The following ZSCAN25 variants were observed in gnomAD, a reference collection of about 807,000 sequenced individuals.
ZSCAN25 encodes zinc finger and SCAN domain containing 25, also known as zinc finger and SCAN domain-containing protein 25.
In ZSCAN25, 27 loss-of-function variants were observed where a neutral mutation model predicts 38.7. The ratio of observed to expected loss-of-function variants is 0.70; its 90% CI spans 0.51 to 0.96. ZSCAN25 has a LOEUF of 0.96. Among genes scored for constraint, ZSCAN25 ranks in the 40% least tolerant of loss-of-function variants. The pLI is 0.00. For synonymous variants in ZSCAN25, 273 were observed against 277.7 expected (o/e 0.98, Z 0.17); for missense variants, 637 against 705.9 (o/e 0.90, Z 1.11).
intron 7 of ZSCAN25, among the ~76,000 whole-genome samples, chr7:99,626,139 A>G (rs1807450325): frequency 6.6e-6 from 1 of 152,218 alleles, no homozygotes; most frequent in South Asian, 2.1e-4. Flanking sequence ...TAATGTCCAC[A>G]AGGACTGGAG....
the ZSCAN25 span, among the ~76,000 whole-genome samples, chr7:99,649,289 C>T: frequency 6.6e-6 from 1 of 152,224 alleles, no homozygotes; most frequent in Non-Finnish European, 1.5e-5. Context: ...CCATCCTCCT[C>T]CTCTCCCAAG....
At chr7:99,705,719 A>C in the ZSCAN25 span, 1 of 1,211,350 alleles carries the variant, frequency 8.3e-7, no homozygotes, top group African/African-American at 1.5e-5. Context: ...TACTTTCAGC[A>C]CTATAAATCT....
At chr7:99,700,401 A>T in the ZSCAN25 span, among the ~76,000 whole-genome samples, 1 of 151,994 alleles carries the variant, frequency 6.6e-6, no homozygotes, top group African/African-American at 2.4e-5. Context: ...TCATTCCAGA[A>T]TACTTGAAAT....
At chr7:99,732,788 A>G in the ZSCAN25 span, among the ~76,000 whole-genome samples, 71 of 152,304 alleles carry the variant, frequency 4.7e-4, no homozygotes, top group African/African-American at 1.5e-3. Flanking sequence ...ATGGATCCAT[A>G]TGCCTCATAT....
chr7:99,716,511 G>C, the ZSCAN25 span, among the ~76,000 whole-genome samples: 1 of 152,076 alleles, frequency 6.6e-6, no homozygotes, highest in Admixed American at 6.5e-5. Flanking sequence ...GACAAATGAT[G>C]TCCTGGTTAA....
downstream of ZSCAN25, among the ~76,000 whole-genome samples, chr7:99,636,992 CAG>C (rs1317653267): frequency 6.6e-6 from 1 of 152,244 alleles, no homozygotes; most frequent in Non-Finnish European, 1.5e-5. Context: ...ATTGAACCAA[CAG>C]GGTATCTTTT....
chr7:99,713,533 G>A, the ZSCAN25 span: 4 of 1,613,362 alleles, frequency 2.5e-6, no homozygotes, highest in Non-Finnish European at 3.4e-6. Context: ...AATCCACTCG[G>A]TGCTAGAAGC....
At chr7:99,627,803 A>G (rs1368113242) in intron 7 of ZSCAN25, among the ~76,000 whole-genome samples, 1 of 151,910 alleles carries the variant, frequency 6.6e-6, no homozygotes, top group Non-Finnish European at 1.5e-5. Flanking sequence ...TATTGTATAT[A>G]CTGTATACAT....
the ZSCAN25 span, among the ~76,000 whole-genome samples, chr7:99,701,254 C>G: frequency 2.0e-5 from 3 of 152,160 alleles, no homozygotes; most frequent in African/African-American, 7.2e-5. Flanking sequence ...ACCTGCAGTT[C>G]CAGCCACGTT....
At chr7:99,732,295 G>A in the ZSCAN25 span, among the ~76,000 whole-genome samples, 2 of 152,074 alleles carry the variant, frequency 1.3e-5, no homozygotes, top group African/African-American at 2.4e-5. Context: ...ATTTCCTGAG[G>A]GCACCCTAGC....
At chr7:99,722,822 A>G in the ZSCAN25 span, among the ~76,000 whole-genome samples, 1 of 152,174 alleles carries the variant, frequency 6.6e-6, no homozygotes, top group Non-Finnish European at 1.5e-5. Flanking sequence ...TTAGAAAGTT[A>G]CAGACACCAG....
the ZSCAN25 span, chr7:99,679,935 C>T: frequency 1.3e-6 from 2 of 1,580,376 alleles, no homozygotes; most frequent in Admixed American, 3.3e-5. Flanking sequence ...GTGAGTCTTC[C>T]TTTTAGCTGA....
At chr7:99,723,557 C>G in the ZSCAN25 span, among the ~76,000 whole-genome samples, 1 of 152,156 alleles carries the variant, frequency 6.6e-6, no homozygotes, top group African/African-American at 2.4e-5. Context: ...GTGGTCTCTT[C>G]ACATGGACGC....
chr7:99,700,009 A>C, the ZSCAN25 span: 11 of 1,611,834 alleles, frequency 6.8e-6, no homozygotes, highest in African/African-American at 1.2e-4. Flanking sequence ...CCAGGTTTCC[A>C]CCGCCAAATT....
chr7:99,648,322 T>C, the ZSCAN25 span: 4 of 1,613,182 alleles, frequency 2.5e-6, no homozygotes, highest in Non-Finnish European at 3.4e-6. Context: ...CCACTTAGGG[T>C]TCCATCTCTT....
chr7:99,648,324 C>G, the ZSCAN25 span: 2 of 1,612,992 alleles, frequency 1.2e-6, no homozygotes, highest in Non-Finnish European at 8.5e-7. Flanking sequence ...ACTTAGGGTT[C>G]CATCTCTTGA....
intron 7 of ZSCAN25, among the ~76,000 whole-genome samples, chr7:99,627,856 T>C (rs750565979): frequency 3.9e-5 from 6 of 152,062 alleles, no homozygotes; most frequent in African/African-American, 1.4e-4. Flanking sequence ...ATAGTATATA[T>C]ATGCAGGGTA....
At chr7:99,733,752 T>G in the ZSCAN25 span, among the ~76,000 whole-genome samples, 1 of 152,216 alleles carries the variant, frequency 6.6e-6, no homozygotes, top group Non-Finnish European at 1.5e-5. Flanking sequence ...GAATATTTTC[T>G]CACTTCATCT....
chr7:99,666,984 A>T, the ZSCAN25 span: 1 of 1,614,038 alleles, frequency 6.2e-7, no homozygotes, highest in Non-Finnish European at 8.5e-7. Flanking sequence ...AAGGTTGGAG[A>T]CAGCAATGAC....
Sources: gnomAD v4.1 joint callset for allele counts (sites outside exome capture counted in the v4.1 genomes callset) on GRCh38, gnomAD v4.1.1 for gene constraint, MANE v1.5 for transcripts, NCBI Gene and HGNC (gene_info 2026-07-23, HGNC 2026-07-21) for gene names.